Variants in RBPJ observed in about 807,000 individuals in gnomAD.
RBPJ encodes the protein recombining binding protein suppressor of hairless.
RBPJ carries 9 observed loss-of-function variants against 67.8 expected under a neutral mutation model. The ratio of observed to expected loss-of-function variants is 0.13; its 90% CI spans 0.08 to 0.23. RBPJ has a LOEUF of 0.23. RBPJ is among the 10% of genes least tolerant of loss of function. RBPJ has a pLI of 1.00. For missense variants in RBPJ, 305 were observed against 595.6 expected, an observed-to-expected ratio of 0.51 and a Z score of 5.08; for synonymous variants, 198 against 203.3, an observed-to-expected ratio of 0.97 and a Z score of 0.22.
At chr4:26,156,194 T>TA in the RBPJ span, among the ~76,000 whole-genome samples, 1 of 152,202 alleles carries the variant, frequency 6.6e-6, no homozygotes, top group South Asian at 2.1e-4. Context: ...AAGTATTCAA[T>TA]AAATGATTAC....
chr4:26,423,127 C>T (rs908152711), intron 5 of RBPJ, among the ~76,000 whole-genome samples: 2 of 152,054 alleles, frequency 1.3e-5, no homozygotes, highest in South Asian at 2.1e-4. Context: ...AGAAATAGAG[C>T]GTGGGCCTAG....
intron 2 of RBPJ, among the ~76,000 whole-genome samples, chr4:26,405,692 T>C (rs1577628916): frequency 6.6e-6 from 1 of 152,198 alleles, no homozygotes; most frequent in Non-Finnish European, 1.5e-5. Context: ...TTTAGGATCA[T>C]GTAATAATAA....
At chr4:26,253,593 T>C (rs1720192697) in intron 1 of RBPJ, among the ~76,000 whole-genome samples, 1 of 150,878 alleles carries the variant, frequency 6.6e-6, no homozygotes, top group Non-Finnish European at 1.5e-5. Flanking sequence ...TAATCTGCTA[T>C]TTCAACCCTC....
intron 1 of RBPJ, among the ~76,000 whole-genome samples, chr4:26,365,603 C>A (rs1256328590): frequency 3.3e-5 from 5 of 152,194 alleles, no homozygotes; most frequent in African/African-American, 1.2e-4. Flanking sequence ...AATATATCCA[C>A]ATTTATGTGG....
intron 1 of RBPJ, among the ~76,000 whole-genome samples, chr4:26,377,425 C>G (rs1418656816): frequency 6.6e-6 from 1 of 152,166 alleles, no homozygotes; most frequent in Non-Finnish European, 1.5e-5. Flanking sequence ...TTTCCCTCTC[C>G]CAAAGATTTA....
chr4:26,224,538 G>T lies in RBPJ; in HGVS notation c.-167+60924G>T, dbSNP rs990394032. On this transcript the variant is annotated intron_variant, in intron 1 of 4. Transcript: ENST00000512351. Reference sequence around the variant, plus strand: ...AGAGTACAAAAGAGAGGAACTTCCCGCAACAGACAGGGTTTCACCATGTTG... The same window carrying T: ...AGAGTACAAAAGAGAGGAACTTCCCTCAACAGACAGGGTTTCACCATGTTG... Among the ~76,000 whole-genome samples the T allele has an allele frequency of 2.6e-5, 4 of 152,020 alleles. No homozygotes were observed. In the East Asian group the frequency reaches 7.7e-4, roughly 29 times the overall value.
At chr4:26,168,863 C>T (rs549292254) in intron 1 of RBPJ, among the ~76,000 whole-genome samples, 4,890 of 151,852 alleles carry the variant, frequency 0.032, 114 homozygotes, top group Non-Finnish European at 0.046. Context: ...TTGATCACAT[C>T]GGCTCCTGAG....
rs35279536 is a variant in RBPJ at position 26,340,465 on chromosome 4, G to A, written c.20+19417G>A. 5.3e-3 allele frequency among the ~76,000 whole-genome samples: 806 copies of A among 152,258 alleles called. 6 individuals carry two copies. The highest frequency in any genetic ancestry group is 0.019 in the African/African-American group (769 of 41,554). On this transcript the variant is annotated intron_variant, in intron 1 of 10. Transcript: ENST00000355476. ...GTAGCTACTGCACGATCTTGAGAAG[G>A]ATCTCTCAAGCAACTTTACTAAGAA... is the stretch of plus-strand genomic sequence containing the variant.
At chr4:26,162,460 A>G (rs966751148), upstream of RBPJ, among the ~76,000 whole-genome samples, 1 of 152,224 alleles carries the variant, frequency 6.6e-6, no homozygotes. Flanking sequence ...TAATTCATTC[A>G]TCCCTTTTCT....
At chr4:26,241,208 A>AT (rs774789735) in intron 1 of RBPJ, among the ~76,000 whole-genome samples, 5,662 of 151,276 alleles carry the variant, frequency 0.037, 131 homozygotes, top group Middle Eastern at 0.096. Context: ...AAAAATAAAA[A>AT]AAAAAAAAAA....
At chr4:26,250,903 G>A (rs1720087928) in intron 1 of RBPJ, among the ~76,000 whole-genome samples, 1 of 152,216 alleles carries the variant, frequency 6.6e-6, no homozygotes, top group Non-Finnish European at 1.5e-5. Flanking sequence ...ATCGTGTGAT[G>A]TGAGTATTAT....
At chr4:26,319,678 A>C, upstream of RBPJ, 3 of 656,746 alleles carry the variant, frequency 4.6e-6, no homozygotes, top group Non-Finnish European at 8.4e-6. Context: ...AGGCGGTGGG[A>C]AGGAGGTGTA....
chr4:26,115,021 T>C, the RBPJ span, among the ~76,000 whole-genome samples: 1 of 152,232 alleles, frequency 6.6e-6, no homozygotes, highest in Non-Finnish European at 1.5e-5. Context: ...GTGAAAATAC[T>C]ATCCACATCT....
chr4:26,418,302 T>TA (rs1480127701), intron 4 of RBPJ, among the ~76,000 whole-genome samples: 4 of 152,244 alleles, frequency 2.6e-5, no homozygotes, highest in African/African-American at 9.6e-5. Flanking sequence ...AAGGCAAATG[T>TA]AATTTTAGTT....
chr4:26,370,670 A>G, intron 1 of RBPJ, among the ~76,000 whole-genome samples: 1 of 152,230 alleles, frequency 6.6e-6, no homozygotes, highest in East Asian at 1.9e-4. Context: ...AGCAAGTAAT[A>G]ACAGTAAGCT....
At chr4:26,221,419 A>G (rs1273385342) in intron 1 of RBPJ, among the ~76,000 whole-genome samples, 2 of 152,164 alleles carry the variant, frequency 1.3e-5, no homozygotes, top group Non-Finnish European at 2.9e-5. Flanking sequence ...GAAGAATTCT[A>G]GTTTGCTGGG....
At chr4:26,281,460 A>G (rs1721271120) in intron 1 of RBPJ, among the ~76,000 whole-genome samples, 1 of 152,072 alleles carries the variant, frequency 6.6e-6, no homozygotes, top group African/African-American at 2.4e-5. Flanking sequence ...TTGTATTTTT[A>G]GTAGACATGG....
chr4:26,360,686 C>T (rs1430461596), intron 1 of RBPJ, among the ~76,000 whole-genome samples: 1 of 151,494 alleles, frequency 6.6e-6, no homozygotes, highest in Non-Finnish European at 1.5e-5. Flanking sequence ...CTCTGCTTCC[C>T]AGGTCCTGCC....
At chr4:26,250,040 C>A (rs1023935202) in intron 1 of RBPJ, among the ~76,000 whole-genome samples, 1 of 151,952 alleles carries the variant, frequency 6.6e-6, no homozygotes, top group African/African-American at 2.4e-5. Context: ...CCCGCCACGG[C>A]CTCCCAAAGT....
Sources: allele counts gnomAD v4.1 joint callset (sites outside exome capture counted in the v4.1 genomes callset), GRCh38; gene constraint gnomAD v4.1.1; transcripts MANE v1.5; gene names NCBI Gene and HGNC (gene_info 2026-07-23, HGNC 2026-07-21).